The following SYMPK variants were observed in gnomAD, a reference collection of about 807,000 sequenced individuals.
SYMPK encodes symplekin.
In SYMPK, 49 loss-of-function variants were observed where a neutral mutation model predicts 136.4. That is an observed-to-expected ratio of 0.36 (90% CI 0.29 to 0.46). The LOEUF (loss-of-function observed/expected upper bound fraction) is 0.46, where lower values mean the gene tolerates loss of function less well. Ranked by LOEUF, SYMPK falls within the 20% of genes least tolerant of loss-of-function variation. The probability of loss-of-function intolerance (pLI) is 1.00; values close to 1 mark genes in which losing one functional copy is unlikely to be tolerated. For missense variants in SYMPK, 1,365 were observed against 1,690.0 expected, an observed-to-expected ratio of 0.81 and a Z score of 3.37; for synonymous variants, 766 against 713.0, an observed-to-expected ratio of 1.07 and a Z score of -1.19.
intron 1 of SYMPK, among the ~76,000 whole-genome samples, chr19:45,856,834 A>G (rs1381835330): frequency 6.6e-6 from 1 of 151,690 alleles, no homozygotes; most frequent in African/African-American, 2.4e-5. Flanking sequence ...AGAAACAAAC[A>G]GGCCAGGTGC....
At chr19:45,859,415 T>C (rs987938624) in intron 1 of SYMPK, among the ~76,000 whole-genome samples, 2 of 142,984 alleles carry the variant, frequency 1.4e-5, no homozygotes, top group Non-Finnish European at 3.0e-5. Context: ...CTGGCCAACA[T>C]GGCAAAACCC....
At chr19:45,862,277 A>G (rs1407173523) in intron 1 of SYMPK, among the ~76,000 whole-genome samples, 3 of 152,174 alleles carry the variant, frequency 2.0e-5, no homozygotes, top group African/African-American at 7.2e-5. Flanking sequence ...TATGATGAAC[A>G]GTATCACTGT....
chr19:45,852,282 G>A, intron 5 of SYMPK, 30 bp downstream of exon 5: 2 of 1,613,538 alleles, frequency 1.2e-6, no homozygotes, highest in Middle Eastern at 3.3e-4. Flanking sequence ...CAGTGAGAAT[G>A]CTCCCGGGGC....
intron 3 of SYMPK, among the ~76,000 whole-genome samples, chr19:45,853,208 C>G (rs375629638): frequency 1.1e-4 from 17 of 152,318 alleles, no homozygotes; most frequent in African/African-American, 3.8e-4. Context: ...AGGAGCCGAA[C>G]GGGTTCTCAC....
intron 6 of SYMPK, among the ~76,000 whole-genome samples, chr19:45,848,262 G>A (rs10424280): frequency 0.018 from 2,733 of 152,270 alleles, 76 homozygotes; most frequent in African/African-American, 0.061. Context: ...CACATCTTCA[G>A]GGTAAAGGAC....
At position 45,851,805 on chromosome 19, in the gene SYMPK, C is replaced by T. The variant is rs190533448; in HGVS notation, c.299+507G>A. Among the ~76,000 whole-genome samples, 171 of 151,474 alleles carry T rather than the reference C, an allele frequency of 1.1e-3. 1 individual carries two copies. The highest frequency in any genetic ancestry group is 3.7e-3 in the African/African-American group (154 of 41,242). On this transcript the variant is annotated intron_variant, in intron 5 of 26. Coordinates refer to ENST00000245934, the MANE Select transcript of SYMPK (RefSeq NM_004819.3). ...AGGAGAATAGCTTGAACCCGGAAGT[C>T]GGAGGTTGCAGTGAGCCGAGATTGC...
Position 45,838,481 on chromosome 19 carries a change from G to A in SYMPK, c.1222C>T (p.Pro408Ser). 1 of 1,613,882 alleles carries A rather than the reference G, an allele frequency of 6.2e-7. No individual in the cohort carries two copies. Among genetic ancestry groups the A allele is most frequent in the Non-Finnish European group, 8.5e-7 (1 of 1,179,864 alleles). ...TAEFLQPLLT[P>S]DNVANLVLIS... Reference sequence around the variant, plus strand: ...CTCACCAGATTAGCCACATTATCAGGCGTCAGCAGAGGCTGCAGGAACTCA... The same window carrying A: ...CTCACCAGATTAGCCACATTATCAGACGTCAGCAGAGGCTGCAGGAACTCA... Residue 408 changes from proline to serine, a missense_variant, in exon 10 of 27, where the codon CCT becomes TCT. By Grantham distance (74) the Pro-to-Ser change is moderately conservative (BLOSUM62 -1). Coordinates refer to ENST00000245934, the MANE Select transcript of SYMPK (RefSeq NM_004819.3).
At chr19:45,860,874 T>C (rs896028284) in intron 1 of SYMPK, among the ~76,000 whole-genome samples, 1 of 152,190 alleles carries the variant, frequency 6.6e-6, no homozygotes, top group East Asian at 1.9e-4. Context: ...TAATTTTCAT[T>C]TTACAGATGA....
intron 9 of SYMPK, among the ~76,000 whole-genome samples, chr19:45,841,293 C>G (rs532884588): frequency 6.7e-6 from 1 of 149,104 alleles, no homozygotes; most frequent in East Asian, 2.0e-4. Flanking sequence ...AATTCCCCCC[C>G]CACCTTTTTT....
intron 3 of SYMPK, among the ~76,000 whole-genome samples, chr19:45,853,371 C>T (rs1257682035): frequency 6.6e-6 from 1 of 152,228 alleles, no homozygotes; most frequent in Non-Finnish European, 1.5e-5. Flanking sequence ...GGCACGGTGG[C>T]TCGTGCCTGT....
chr19:45,830,107 C>T lies in SYMPK; in HGVS notation c.1696G>A (p.Val566Met), dbSNP rs1258846497. 1 of 1,582,594 alleles carries T rather than the reference C, an allele frequency of 6.3e-7. No individual in the cohort carries two copies. Among genetic ancestry groups the T allele is most frequent in the East Asian group, 2.3e-5 (1 of 43,076 alleles). Residue 566 changes from valine to methionine, a missense_variant, in exon 13 of 27, where the codon GTG becomes ATG. Physicochemically the swap from Val to Met is conservative, Grantham distance 21. This residue lies in a region of SYMPK where 303 missense variants were observed against 326.6 expected (regional missense o/e 0.93). Transcript: ENST00000245934. ...TTCTCAGCCCGCAGGATCCGCTTCACAGCGCCCAGCTTCATGGCTTCCACC... is the reference window on the plus strand; with the variant it reads ...TTCTCAGCCCGCAGGATCCGCTTCATAGCGCCCAGCTTCATGGCTTCCACC... ...AQVEAMKLGA[V>M]KRILRAEKAV... is the part of the protein sequence containing the mutation.
chr19:45,844,055 C>T lies in SYMPK; in HGVS notation c.822G>A (p.Val274=). 1 of 1,576,790 alleles carries T rather than the reference C, an allele frequency of 6.3e-7. No individual in the cohort carries two copies. The highest frequency in any genetic ancestry group is 8.6e-7 in the Non-Finnish European group (1 of 1,159,182). ...CATGCAGAGTTTCATAGGCCTGGATCACCTCAGACATGAACATGGGTCTCT... is the reference window on the plus strand; with the variant it reads ...CATGCAGAGTTTCATAGGCCTGGATTACCTCAGACATGAACATGGGTCTCT... ...ARQRPMFMSE[V]IQAYETLHAN... is the part of the protein sequence containing the mutation. Residue 274 remains valine, a synonymous_variant, in exon 8 of 27, where the codon GTG becomes GTA. Transcript: ENST00000245934.
intron 9 of SYMPK, among the ~76,000 whole-genome samples, chr19:45,840,082 G>C (rs1295347761): frequency 2.6e-5 from 4 of 152,028 alleles, no homozygotes; most frequent in Admixed American, 2.6e-4. Context: ...ATCACCTGAG[G>C]CGGGTGGATT....
Position 45,824,929 on chromosome 19 carries a change from G to A in SYMPK, c.2490+242C>T, listed in dbSNP as rs1971002628. On this transcript the variant is annotated intron_variant, in intron 18 of 26. Transcript: ENST00000245934. ...ACTGACGGGCCCAAGGTCGCAGTGA[G>A]AAAGCGAGAAGTGAACGCGAACCCA... Among the ~76,000 whole-genome samples, 5 of 152,232 alleles carry A rather than the reference G, an allele frequency of 3.3e-5. No individual in the cohort carries two copies. In the South Asian group the frequency reaches 1.0e-3, roughly 32 times the overall value.
intron 10 of SYMPK, 95 bp from the exon 11 acceptor site, chr19:45,835,323 TA>T: frequency 7.8e-7 from 1 of 1,289,384 alleles, no homozygotes. Context: ...TGGCAGTGCC[TA>T]AGACCGACTT....
At position 45,823,343 on chromosome 19, in the gene SYMPK, C is replaced by G. The variant is rs756635650; in HGVS notation, c.2700+29G>C. On this transcript the variant is annotated intron_variant, in intron 20 of 26. Transcript: ENST00000245934. ...TCCCAGTCCCACATGTCCCAGGTAG[C>G]AGGGACAAACAGGCCTCCAGCTCCA... The G allele has an allele frequency of 4.4e-6, 7 of 1,607,664 alleles. No individual in the cohort carries two copies. In the South Asian group the frequency reaches 7.7e-5, roughly 18 times the overall value.
chr19:45,833,671 A>G (rs1387944815), intron 11 of SYMPK, among the ~76,000 whole-genome samples: 3 of 152,226 alleles, frequency 2.0e-5, no homozygotes, highest in Non-Finnish European at 4.4e-5. Context: ...AAATCAGAAC[A>G]CTGGTTTTCT....
At chr19:45,835,309 G>A in intron 10 of SYMPK, 81 bp from the exon 11 acceptor site, 1 of 1,427,322 alleles carries the variant, frequency 7.0e-7, no homozygotes, top group Non-Finnish European at 9.4e-7. Flanking sequence ...CAATACTGGG[G>A]AAATGGCAGT....
intron 1 of SYMPK, among the ~76,000 whole-genome samples, chr19:45,860,121 C>A (rs1326512441): frequency 1.3e-5 from 2 of 148,700 alleles, no homozygotes; most frequent in Non-Finnish European, 3.0e-5. Context: ...ACCTGATGAA[C>A]CTGTTTCCAA....
Sources: gnomAD v4.1 joint callset for allele counts (sites outside exome capture counted in the v4.1 genomes callset) on GRCh38, gnomAD v4.1.1 for gene constraint, gnomAD v4.1.1 regional missense constraint, MANE v1.5 for transcripts, NCBI Gene and HGNC (gene_info 2026-07-23, HGNC 2026-07-21) for gene names.